Variants in CTNNA3 observed in about 807,000 individuals in gnomAD.
CTNNA3 encodes catenin alpha-3.
CTNNA3 carries 76 observed loss-of-function variants against 95.7 expected under a neutral mutation model. The ratio of observed to expected loss-of-function variants is 0.79; its 90% CI spans 0.66 to 0.96. The LOEUF (loss-of-function observed/expected upper bound fraction) is 0.96. Among genes scored for constraint, CTNNA3 ranks in the 40% least tolerant of loss-of-function variants. CTNNA3 has a pLI of 0.00. For synonymous variants in CTNNA3, 431 were observed against 374.4 expected (o/e 1.15, Z -1.74); for missense variants, 1,191 against 1,089.8 (o/e 1.09, Z -1.31).
intron 7 of CTNNA3, among the ~76,000 whole-genome samples, chr10:66,797,928 AG>A: frequency 6.6e-6 from 1 of 151,930 alleles, no homozygotes; most frequent in Non-Finnish European, 1.5e-5. Flanking sequence ...TCAATAAACC[AG>A]GGACTAAAGC....
At chr10:66,960,054 A>T (rs989596044) in intron 7 of CTNNA3, among the ~76,000 whole-genome samples, 2 of 151,814 alleles carry the variant, frequency 1.3e-5, no homozygotes, top group African/African-American at 4.8e-5. Flanking sequence ...TCCCATGTTG[A>T]CCCTCATAGC....
At chr10:66,616,931 T>C (rs1035093328) in intron 10 of CTNNA3, among the ~76,000 whole-genome samples, 1 of 151,930 alleles carries the variant, frequency 6.6e-6, no homozygotes, top group African/African-American at 2.4e-5. Flanking sequence ...AAGAAAAATA[T>C]CAAGAAGCTG....
intron 7 of CTNNA3, among the ~76,000 whole-genome samples, chr10:67,128,139 TTA>T (rs1859813316): frequency 6.6e-6 from 1 of 152,128 alleles, no homozygotes; most frequent in Non-Finnish European, 1.5e-5. Context: ...ATGGTTAATT[TTA>T]TGTGTCAACT....
intron 9 of CTNNA3, among the ~76,000 whole-genome samples, chr10:66,722,722 T>G (rs1848667947): frequency 6.6e-6 from 1 of 152,144 alleles, no homozygotes; most frequent in Non-Finnish European, 1.5e-5. Flanking sequence ...TCTCTAGGAC[T>G]GTCTTCATTT....
In CTNNA3 at chr10:65,920,108, A is replaced by G. The variant is rs2077058972; in HGVS notation, c.*222T>C. On this transcript the variant is annotated 3_prime_UTR_variant, in exon 18 of 18. Coordinates refer to ENST00000433211, the MANE Select transcript of CTNNA3 (RefSeq NM_013266.4). ...GACACGTGATAATTTCATTCATTCA[A>G]CAAGCAAATATTCCTTAACTATTAG... The G allele has an allele frequency of 1.8e-6, 1 of 551,690 alleles. No individual in the cohort carries two copies. Among genetic ancestry groups the G allele is most frequent in the Admixed American group, 3.4e-5 (1 of 29,402 alleles). The allele number at this position is 551,690 out of a possible 1,614,324, so 34.2% of individuals were successfully genotyped here. A position where few individuals can be genotyped will look rare whatever the true frequency, so the allele number is the denominator to read the frequency against.
At chr10:66,425,577 G>A (rs2093232433) in intron 11 of CTNNA3, among the ~76,000 whole-genome samples, 1 of 151,794 alleles carries the variant, frequency 6.6e-6, no homozygotes, top group South Asian at 2.1e-4. Context: ...AGTACTAATG[G>A]AACCTTCCTC....
At position 66,191,073 on chromosome 10, in the gene CTNNA3, G is replaced by A. The variant is rs115694091; in HGVS notation, c.1885-87824C>T. Among the ~76,000 whole-genome samples the A allele has an allele frequency of 8.3e-3, 1,262 of 152,152 alleles. 13 individuals carry two copies. Among genetic ancestry groups the A allele is most frequent in the African/African-American group, 0.028 (1,180 of 41,530 alleles). ...TACTTTCTAGTGTGATGTGACAAGA[G>A]GCAGGTGGACAGGACTTTACATTCA... On this transcript the variant is annotated intron_variant, in intron 13 of 17. Coordinates refer to ENST00000433211, the MANE Select transcript of CTNNA3 (RefSeq NM_013266.4).
At chr10:66,941,735 G>T (rs941010790) in intron 7 of CTNNA3, among the ~76,000 whole-genome samples, 3 of 152,170 alleles carry the variant, frequency 2.0e-5, no homozygotes, top group African/African-American at 7.2e-5. Flanking sequence ...AATTCAAGCC[G>T]CGTGAGCTGA....
At chr10:66,427,398 C>T (rs1371550051) in intron 11 of CTNNA3, among the ~76,000 whole-genome samples, 1 of 151,942 alleles carries the variant, frequency 6.6e-6, no homozygotes, top group African/African-American at 2.4e-5. Context: ...TTGTACTAGC[C>T]TTCCCCTAAG....
intron 17 of CTNNA3, among the ~76,000 whole-genome samples, chr10:65,932,473 T>G (rs774455873): frequency 1.3e-5 from 2 of 152,188 alleles, no homozygotes; most frequent in African/African-American, 2.4e-5. Context: ...ATGTAGGTAT[T>G]ATTTTTCCCA....
At chr10:66,429,252 G>A (rs1380672342) in intron 11 of CTNNA3, among the ~76,000 whole-genome samples, 2 of 152,084 alleles carry the variant, frequency 1.3e-5, no homozygotes, top group South Asian at 2.1e-4. Flanking sequence ...TGAAATTGAC[G>A]CAATAATTAA....
chr10:66,655,903 C>T (rs915612322), intron 9 of CTNNA3, among the ~76,000 whole-genome samples: 10 of 151,890 alleles, frequency 6.6e-5, no homozygotes, highest in Non-Finnish European at 1.2e-4. Context: ...TTCCATCCAC[C>T]GAAATGTTGG....
At chr10:66,321,027 T>C (rs2092176954) in intron 12 of CTNNA3, among the ~76,000 whole-genome samples, 1 of 152,038 alleles carries the variant, frequency 6.6e-6, no homozygotes, top group African/African-American at 2.4e-5. Context: ...TCCAGACCAA[T>C]GCCCATCACA....
chr10:66,486,642 A>C (rs1839737570), intron 11 of CTNNA3, among the ~76,000 whole-genome samples: 2 of 152,192 alleles, frequency 1.3e-5, no homozygotes, highest in African/African-American at 2.4e-5. Context: ...AGAAGTCAAA[A>C]AAACTAAAAA....
At chr10:67,221,637 C>T (rs1272144815) in intron 5 of CTNNA3, among the ~76,000 whole-genome samples, 3 of 152,038 alleles carry the variant, frequency 2.0e-5, no homozygotes, top group East Asian at 1.9e-4. Flanking sequence ...TACAGTGGCG[C>T]GATCTAGGCT....
At chr10:66,386,334 T>C (rs1462499896) in intron 11 of CTNNA3, among the ~76,000 whole-genome samples, 1 of 152,064 alleles carries the variant, frequency 6.6e-6, no homozygotes, top group Non-Finnish European at 1.5e-5. Context: ...ATGAGTGAAC[T>C]CCCATTCACA....
At chr10:66,167,275 A>G (rs1319665009) in intron 13 of CTNNA3, among the ~76,000 whole-genome samples, 1 of 152,200 alleles carries the variant, frequency 6.6e-6, no homozygotes, top group East Asian at 1.9e-4. Context: ...GGAGGCAAAT[A>G]GAAAAAAAAT....
intron 7 of CTNNA3, among the ~76,000 whole-genome samples, chr10:66,897,871 A>G (rs1845564426): frequency 6.6e-6 from 1 of 152,190 alleles, no homozygotes; most frequent in Non-Finnish European, 1.5e-5. Context: ...AACAGTGACT[A>G]AGTGAGAAAT....
chr10:66,278,613 T>G (rs2132153110), intron 13 of CTNNA3, among the ~76,000 whole-genome samples: 1 of 152,212 alleles, frequency 6.6e-6, no homozygotes, highest in South Asian at 2.1e-4. Context: ...GTAAGCTATC[T>G]TGATAATGAG....
Sources: allele counts gnomAD v4.1 joint callset (sites outside exome capture counted in the v4.1 genomes callset), GRCh38; gene constraint gnomAD v4.1.1; transcripts MANE v1.5; gene names NCBI Gene and HGNC (gene_info 2026-07-23, HGNC 2026-07-21).